Variants in BCL11B observed in about 807,000 individuals in gnomAD.
BCL11B encodes BCL11 transcription factor B, also known as B-cell lymphoma/leukemia 11B.
Under a neutral mutation model 49.9 loss-of-function variants are expected in BCL11B, and 8 were observed. That is an observed-to-expected ratio of 0.16 (90% CI 0.09 to 0.29). The LOEUF is 0.29. BCL11B is among the 10% of genes least tolerant of loss of function. The pLI is 1.00. For missense variants in BCL11B, 1,006 were observed against 1,351.0 expected (o/e 0.74, Z 4.00); for synonymous variants, 739 against 637.4 (o/e 1.16, Z -2.40).
intron 1 of BCL11B, among the ~76,000 whole-genome samples, chr14:99,258,466 T>G (rs1412892421): frequency 6.7e-6 from 1 of 150,124 alleles, no homozygotes. Flanking sequence ...CACATTCCTC[T>G]ACCTGGGACC....
intron 2 of BCL11B, among the ~76,000 whole-genome samples, chr14:99,246,695 A>G (rs1177193296): frequency 6.8e-6 from 1 of 146,306 alleles, no homozygotes; most frequent in Admixed American, 6.9e-5. Context: ...ATGGACCCCA[A>G]CCATTGAGCC....
chr14:99,216,317 C>T (rs1374010783), intron 3 of BCL11B, among the ~76,000 whole-genome samples: 2 of 152,312 alleles, frequency 1.3e-5, no homozygotes, highest in Non-Finnish European at 1.5e-5. Flanking sequence ...CACTGCTAGC[C>T]GCCCACTCTC....
chr14:99,206,256 T>C (rs1277785745), intron 3 of BCL11B, among the ~76,000 whole-genome samples: 1 of 152,152 alleles, frequency 6.6e-6, no homozygotes, highest in African/African-American at 2.4e-5. Context: ...TAAATAAAGT[T>C]TTATTGAAAC....
chr14:99,193,976 T>A (rs1667287785), intron 3 of BCL11B, among the ~76,000 whole-genome samples: 1 of 152,160 alleles, frequency 6.6e-6, no homozygotes, highest in South Asian at 2.1e-4. Context: ...ATCCGGCCAT[T>A]TTATTGGCCC....
At position 99,262,300 on chromosome 14, in the gene BCL11B, T is replaced by A. The variant is rs1889358618; in HGVS notation, c.59-4461A>T. ...CAGCCGAGAGGTCTGCTGCCTGCTGTCCCCAGAGCACAGGCATGTGCGTGG... is the reference window on the plus strand; with the variant it reads ...CAGCCGAGAGGTCTGCTGCCTGCTGACCCCAGAGCACAGGCATGTGCGTGG... On this transcript the variant is annotated intron_variant, in intron 1 of 3. Coordinates refer to ENST00000357195, the MANE Select transcript of BCL11B (RefSeq NM_138576.4). The surrounding 1 kb of genome is among the most constrained non-coding windows in gnomAD (Gnocchi z 4.2). Among the ~76,000 whole-genome samples the A allele has an allele frequency of 6.6e-6, 1 of 152,160 alleles. No homozygotes were observed. The highest frequency in any genetic ancestry group is 2.4e-5 in the African/African-American group (1 of 41,438).
Position 99,257,339 on chromosome 14 carries a change from GA to G in BCL11B, c.427+131del. 1 of 1,251,552 alleles carries G rather than the reference GA, an allele frequency of 8.0e-7. No homozygotes were observed. The allele number at this position is 1,251,552 out of a possible 1,614,324, so 77.5% of individuals were successfully genotyped here. A position where few individuals can be genotyped will look rare whatever the true frequency, so the allele number is the denominator to read the frequency against. ...TGGATGGTGGACCCTCAGAAAGGGG[GA>G]GCCCCGGCTGGTGGCCCAGAGGCCA... On this transcript the variant is annotated intron_variant, in intron 2 of 3. Transcript: ENST00000357195. This position sits in a 1 kb window ranked among gnomAD's most constrained non-coding sequence, Gnocchi z 6.2.
At position 99,228,037 on chromosome 14, in the gene BCL11B, C is replaced by A. The variant is rs1017032951; in HGVS notation, c.640+3308G>T. 6.6e-6 allele frequency among the ~76,000 whole-genome samples: 1 copy of A among 152,168 alleles called. No individual in the cohort carries two copies. The highest frequency in any genetic ancestry group is 1.5e-5 in the Non-Finnish European group (1 of 68,038). On this transcript the variant is annotated intron_variant, in intron 3 of 3. Coordinates refer to ENST00000357195, the MANE Select transcript of BCL11B (RefSeq NM_138576.4). The surrounding 1 kb of genome is among the most constrained non-coding windows in gnomAD (Gnocchi z 4.8). ...CACACATACCTGTGTGGTTTTCTCC[C>A]CCCGTAAAATCACATCCTTCTATAA...
chr14:99,247,045 C>G lies in BCL11B; in HGVS notation c.427+10426G>C, dbSNP rs1235927390. 6.6e-6 allele frequency among the ~76,000 whole-genome samples: 1 copy of G among 152,160 alleles called. No individual in the cohort carries two copies. The highest frequency in any genetic ancestry group is 1.5e-5 in the Non-Finnish European group (1 of 68,028). ...TCGCGTCCCGCCTCCCCGCAACACG[C>G]TGTTTTCAGCGTTCCAGACCACAGC... On this transcript the variant is annotated intron_variant, in intron 2 of 3. Transcript: ENST00000357195. This position sits in a 1 kb window ranked among gnomAD's most constrained non-coding sequence, Gnocchi z 4.5.
intron 3 of BCL11B, among the ~76,000 whole-genome samples, chr14:99,224,203 C>T (rs997296095): frequency 5.9e-5 from 9 of 152,188 alleles, no homozygotes; most frequent in East Asian, 1.9e-4. Context: ...GGAAGCCAGA[C>T]GGGAGAGCTC....
intron 3 of BCL11B, among the ~76,000 whole-genome samples, chr14:99,189,637 C>T (rs927432611): frequency 1.3e-4 from 20 of 152,194 alleles, no homozygotes; most frequent in Admixed American, 5.9e-4. Context: ...CTCCAGCCTG[C>T]GGCCCCAGCA....
At chr14:99,199,673 TGTGTGTGTGTGCGCGCGCGCGCGCAC>T (rs1342631550) in intron 3 of BCL11B, among the ~76,000 whole-genome samples, 1,026 of 84,434 alleles carry the variant, frequency 0.012, 10 homozygotes, top group Admixed American at 0.027. Context: ...TGTGTGTGTG[TGTGTGTGTGTGCGCGCGCGCGCGCAC>T]GTGCACGTGT....
intron 1 of BCL11B, among the ~76,000 whole-genome samples, chr14:99,268,155 G>A (rs972410463): frequency 1.3e-5 from 2 of 151,688 alleles, no homozygotes; most frequent in African/African-American, 2.4e-5. Flanking sequence ...CAAACCAGAA[G>A]CCCAGGTTTC....
rs763758176 is a variant in BCL11B, at chr14:99,172,222, T to C, written c.*1929A>G. 12 of 224,558 alleles carry C rather than the reference T, an allele frequency of 5.3e-5. No homozygotes were observed. Among genetic ancestry groups the C allele is most frequent in the Non-Finnish European group, 8.9e-5 (10 of 112,408 alleles). The allele number at this position is 224,558 out of a possible 1,614,324, so 13.9% of individuals were successfully genotyped here. Reference sequence around the variant, plus strand: ...TTCAACGATATCAACTTGTAACTTGTGTCACTTGAGTTTTAATTCAGCAGT... The same window carrying C: ...TTCAACGATATCAACTTGTAACTTGCGTCACTTGAGTTTTAATTCAGCAGT... On this transcript the variant is annotated 3_prime_UTR_variant, in exon 4 of 4. Transcript: ENST00000357195.
intron 2 of BCL11B, among the ~76,000 whole-genome samples, chr14:99,240,725 G>A (rs571038976): frequency 2.4e-4 from 36 of 152,228 alleles, no homozygotes; most frequent in Admixed American, 6.5e-4. Context: ...ACACACTAGC[G>A]GTGACGTGCA....
At position 99,174,561 on chromosome 14, in the gene BCL11B, G is replaced by A. The variant is rs1412064788; in HGVS notation, c.2275C>T (p.Leu759=). Residue 759 remains leucine, a synonymous_variant, in exon 4 of 4, where the codon CTG becomes TTG. Transcript: ENST00000357195. ...SLRFSTPPGD[L]LDGGLSGRSG... Reference sequence around the variant, plus strand: ...CGGCCCGAGAGGCCGCCGTCCAGCAGGTCCCCGGGCGGCGTGGAGAAGCGC... The same window carrying A: ...CGGCCCGAGAGGCCGCCGTCCAGCAAGTCCCCGGGCGGCGTGGAGAAGCGC... The A allele has an allele frequency of 1.3e-6, 2 of 1,514,902 alleles. No individual in the cohort carries two copies. The highest frequency in any genetic ancestry group is 1.8e-6 in the Non-Finnish European group (2 of 1,133,988). 93.8% of individuals were successfully genotyped at this position (1,514,902 alleles called of 1,614,324 possible). A position where few individuals can be genotyped will look rare whatever the true frequency, so the allele number is the denominator to read the frequency against.
In BCL11B at chr14:99,228,131, T is replaced by C. The variant is rs757210662; in HGVS notation, c.640+3214A>G. Among the ~76,000 whole-genome samples the C allele has an allele frequency of 2.0e-5, 3 of 152,210 alleles. No homozygotes were observed. The highest frequency in any genetic ancestry group is 1.9e-4 in the East Asian group (1 of 5,194). ...AACACGTTTACACTGGGGTTCTCCA[T>C]GTTAACTTGAAGAGATGGGTTCAAT... On this transcript the variant is annotated intron_variant, in intron 3 of 3. Coordinates refer to ENST00000357195, the MANE Select transcript of BCL11B (RefSeq NM_138576.4). The surrounding 1 kb of genome is among the most constrained non-coding windows in gnomAD (Gnocchi z 4.8).
chr14:99,174,934 G>A lies in BCL11B; in HGVS notation c.1902C>T (p.Gly634=), dbSNP rs1886434251. 8 of 1,344,942 alleles carry A rather than the reference G, an allele frequency of 5.9e-6. No individual in the cohort carries two copies. The East Asian group carries it at 1.4e-4, about 24-fold the overall frequency. 83.3% of individuals were successfully genotyped at this position (1,344,942 alleles called of 1,614,324 possible). The change falls in exon 4 of 4, where the codon GGC becomes GGT. Residue 634 remains glycine (G), a synonymous_variant. Transcript: ENST00000357195. ...CGCAGCCGCCCGCGTCGTCGTCGTC[G>A]CCCGCGTCCCCGCCGCCCGCCGCAC... ...LKRAAGGGDA[G]DDDDAGGCGD...
chr14:99,271,093 G>T, intron 1 of BCL11B, 68 bp downstream of exon 1: 1 of 1,442,178 alleles, frequency 6.9e-7, no homozygotes, highest in Non-Finnish European at 9.1e-7. Flanking sequence ...TTCCGGGCTC[G>T]GTGTCCCCAG....
At chr14:99,240,884 G>A (rs776976552) in intron 2 of BCL11B, among the ~76,000 whole-genome samples, 6 of 152,224 alleles carry the variant, frequency 3.9e-5, no homozygotes, top group East Asian at 1.9e-4. Context: ...ACATTCGGCT[G>A]AGGTTTATAC....
Sources: allele counts gnomAD v4.1 joint callset (sites outside exome capture counted in the v4.1 genomes callset), GRCh38; gene constraint gnomAD v4.1.1; non-coding constraint Gnocchi (gnomAD v3.1); transcripts MANE v1.5; gene names NCBI Gene and HGNC (gene_info 2026-07-23, HGNC 2026-07-21).